Variants in INPP4B observed in about 807,000 individuals in gnomAD.
INPP4B encodes inositol polyphosphate 4-phosphatase type II.
A neutral mutation model predicts 122.5 loss-of-function variants in INPP4B; 55 were observed. That is an observed-to-expected ratio of 0.45 (90% CI 0.36 to 0.56). INPP4B has a LOEUF of 0.56. Ranked by LOEUF, INPP4B falls within the 20% of genes least tolerant of loss-of-function variation. The pLI is 0.00. For missense variants in INPP4B, 1,000 were observed against 1,097.7 expected (o/e 0.91, Z 1.26); for synonymous variants, 403 against 388.7 (o/e 1.04, Z -0.43).
chr4:142,280,955 C>T (rs1750913529), intron 9 of INPP4B, among the ~76,000 whole-genome samples: 1 of 151,938 alleles, frequency 6.6e-6, no homozygotes, highest in Non-Finnish European at 1.5e-5. Flanking sequence ...GGAAGCATTT[C>T]ATAACAGACT....
intron 2 of INPP4B, among the ~76,000 whole-genome samples, chr4:142,716,248 A>G (rs1009252983): frequency 2.6e-5 from 4 of 152,210 alleles, no homozygotes. Context: ...ATCCATTGTC[A>G]TTAATTAAAA....
intron 25 of INPP4B, among the ~76,000 whole-genome samples, chr4:142,034,570 G>A (rs1465307749): frequency 6.6e-6 from 1 of 151,974 alleles, no homozygotes; most frequent in African/African-American, 2.4e-5. Flanking sequence ...CCCACAGCCT[G>A]ACTGATCACA....
At chr4:142,229,638 A>C (rs528109183) in intron 12 of INPP4B, among the ~76,000 whole-genome samples, 1 of 152,300 alleles carries the variant, frequency 6.6e-6, no homozygotes, top group African/African-American at 2.4e-5. Context: ...CAGGCACCTC[A>C]AGATCAGATG....
intron 16 of INPP4B, among the ~76,000 whole-genome samples, chr4:142,161,948 C>G (rs1275235994): frequency 6.6e-6 from 1 of 151,722 alleles, no homozygotes; most frequent in African/African-American, 2.4e-5. Context: ...CTCCCTTATT[C>G]CACACTACTC....
At chr4:142,531,197 T>C (rs1827568498) in intron 2 of INPP4B, among the ~76,000 whole-genome samples, 1 of 151,566 alleles carries the variant, frequency 6.6e-6, no homozygotes, top group Admixed American at 6.6e-5. Flanking sequence ...TAGATTGATG[T>C]GGGTGTGAAA....
chr4:142,082,064 T>A lies in INPP4B; in HGVS notation c.2609A>T (p.Asp870Val). 6.8e-7 allele frequency: 1 copy of A among 1,478,550 alleles called. No homozygotes were observed. Among genetic ancestry groups the A allele is most frequent in the South Asian group, 1.5e-5 (1 of 67,014 alleles). The allele number at this position is 1,478,550 out of a possible 1,614,324, so 91.6% of individuals were successfully genotyped here. A position where few individuals can be genotyped will look rare whatever the true frequency, so the allele number is the denominator to read the frequency against. ...ILRDEHQLHK[D>V]FFIRALDCMR... ...GCAATCCAGCGCTCGGATAAAGAAG[T>A]CCTTGTGTAACTGGTGCTCATCTCT... is the stretch of plus-strand genomic sequence containing the variant. Residue 870 changes from aspartate (D) to valine (V), a missense_variant, in exon 25 of 26, where the codon GAC (aspartate) becomes GTC (valine). Asp to Val is a radical substitution (Grantham distance 152). Coordinates refer to ENST00000262992, the MANE Select transcript of INPP4B (RefSeq NM_001101669.3).
At chr4:142,067,617 G>C (rs148095663) in intron 25 of INPP4B, among the ~76,000 whole-genome samples, 1 of 152,076 alleles carries the variant, frequency 6.6e-6, no homozygotes, top group Non-Finnish European at 1.5e-5. Context: ...TAGAATAAAC[G>C]GTGTAGAGAA....
At chr4:142,194,703 T>G (rs1837428769) in intron 14 of INPP4B, among the ~76,000 whole-genome samples, 2 of 152,202 alleles carry the variant, frequency 1.3e-5, no homozygotes, top group African/African-American at 4.8e-5. Context: ...AGAGAGTCAG[T>G]GTTCCCTGGT....
intron 5 of INPP4B, among the ~76,000 whole-genome samples, chr4:142,422,576 G>A (rs1251188268): frequency 6.6e-6 from 1 of 151,988 alleles, no homozygotes; most frequent in Non-Finnish European, 1.5e-5. Context: ...AGGCTGAGGT[G>A]GTAGATTCAC....
chr4:142,842,876 AT>A (rs1414467865), intron 1 of INPP4B, among the ~76,000 whole-genome samples: 1 of 138,832 alleles, frequency 7.2e-6, no homozygotes, highest in Non-Finnish European at 1.5e-5. Flanking sequence ...ATATATATAA[AT>A]ATATATGATT....
intron 1 of INPP4B, among the ~76,000 whole-genome samples, chr4:142,836,950 G>A (rs112881452): frequency 0.071 from 10,751 of 152,014 alleles, 1,283 homozygotes; most frequent in African/African-American, 0.25. Flanking sequence ...TGGATCACTT[G>A]AGGTCAGGAG....
At chr4:142,133,443 C>T (rs1802357789) in intron 18 of INPP4B, among the ~76,000 whole-genome samples, 1 of 152,190 alleles carries the variant, frequency 6.6e-6, no homozygotes, top group Non-Finnish European at 1.5e-5. Flanking sequence ...CCAAGCTCAT[C>T]ATGCCTCACC....
intron 1 of INPP4B, among the ~76,000 whole-genome samples, chr4:142,796,560 G>C (rs558788764): frequency 1.3e-5 from 2 of 152,020 alleles, no homozygotes; most frequent in African/African-American, 2.4e-5. Context: ...CTGCAGAAAG[G>C]CTACCCATGG....
At chr4:142,093,484 TA>T (rs2152571241) in intron 23 of INPP4B, among the ~76,000 whole-genome samples, 1 of 152,324 alleles carries the variant, frequency 6.6e-6, no homozygotes, top group East Asian at 1.9e-4. Context: ...AAAGAGCTTG[TA>T]CTTCTAAGTA....
At chr4:142,577,152 T>C (rs1734031372) in intron 2 of INPP4B, among the ~76,000 whole-genome samples, 1 of 152,026 alleles carries the variant, frequency 6.6e-6, no homozygotes, top group Non-Finnish European at 1.5e-5. Context: ...TATGTACATT[T>C]TTTGTGTTGC....
intron 21 of INPP4B, among the ~76,000 whole-genome samples, chr4:142,121,659 A>C (rs1006602467): frequency 6.6e-6 from 1 of 152,142 alleles, no homozygotes; most frequent in African/African-American, 2.4e-5. Flanking sequence ...TCTGAGAGTG[A>C]ATTGTCAAAA....
At chr4:142,245,536 C>G (rs1184809013) in intron 11 of INPP4B, among the ~76,000 whole-genome samples, 1 of 151,944 alleles carries the variant, frequency 6.6e-6, no homozygotes, top group East Asian at 1.9e-4. Context: ...GGGATATTGG[C>G]CTGAAATTTT....
intron 21 of INPP4B, among the ~76,000 whole-genome samples, chr4:142,115,705 A>G (rs1003456307): frequency 3.3e-5 from 5 of 152,166 alleles, no homozygotes; most frequent in Non-Finnish European, 7.3e-5. Context: ...CCCTGCAAAA[A>G]CAGTGCAAAT....
In INPP4B at chr4:142,124,634, T is replaced by C; in HGVS notation, c.1847A>G (p.Gln616Arg). ...LLQELAYSLPQCLMLTLRRDI... is the reference protein window; with the variant it reads ...LLQELAYSLPRCLMLTLRRDI... Reference sequence around the variant, plus strand: ...TCTTCTTAGCGTCAGCATCAGACACTGGGGCAAGCTGTACGCAAGTTCCTG... The same window carrying C: ...TCTTCTTAGCGTCAGCATCAGACACCGGGGCAAGCTGTACGCAAGTTCCTG... The change falls in exon 19 of 26, where the codon CAG becomes CGG. Residue 616 changes from glutamine to arginine, a missense_variant. Coordinates refer to ENST00000262992, the MANE Select transcript of INPP4B (RefSeq NM_001101669.3). 6.2e-7 allele frequency: 1 copy of C among 1,613,486 alleles called. No individual in the cohort carries two copies. Among genetic ancestry groups the C allele is most frequent in the Non-Finnish European group, 8.5e-7 (1 of 1,179,654 alleles).
Sources: allele counts gnomAD v4.1 joint callset (sites outside exome capture counted in the v4.1 genomes callset), GRCh38; gene constraint gnomAD v4.1.1; transcripts MANE v1.5; gene names NCBI Gene and HGNC (gene_info 2026-07-23, HGNC 2026-07-21).